HPSE2: variants seen among roughly 807,000 people sequenced by gnomAD.
HPSE2 encodes the protein inactive heparanase-2.
Under a neutral mutation model 60.5 loss-of-function variants are expected in HPSE2, and 38 were observed. The observed-to-expected ratio is 0.63, with a 90% confidence interval of 0.48 to 0.82. The LOEUF (loss-of-function observed/expected upper bound fraction) is 0.82, where lower values mean the gene tolerates loss of function less well. Among genes scored for constraint, HPSE2 ranks in the 40% least tolerant of loss-of-function variants. HPSE2 has a pLI of 0.00. For missense variants in HPSE2, 713 were observed against 740.4 expected, an observed-to-expected ratio of 0.96 and a Z score of 0.43; for synonymous variants, 295 against 293.2, an observed-to-expected ratio of 1.01 and a Z score of -0.06.
intron 3 of HPSE2, among the ~76,000 whole-genome samples, chr10:98,983,151 G>A (rs546952254): frequency 4.9e-4 from 75 of 152,170 alleles, no homozygotes; most frequent in Middle Eastern, 6.8e-3. Context: ...GGATGGTTGC[G>A]GCATCATTCA....
chr10:98,645,239 A>G (rs1946737184), intron 6 of HPSE2, among the ~76,000 whole-genome samples: 1 of 152,380 alleles, frequency 6.6e-6, no homozygotes, highest in South Asian at 2.1e-4. Flanking sequence ...GAATATCAAG[A>G]AAGAACTATA....
chr10:98,969,862 A>G (rs557559671), intron 3 of HPSE2, among the ~76,000 whole-genome samples: 3 of 152,322 alleles, frequency 2.0e-5, no homozygotes, highest in South Asian at 2.1e-4. Context: ...CTTGGCTTCC[A>G]GAGAGACCCC....
chr10:98,528,295 G>T (rs1943030680), intron 9 of HPSE2, among the ~76,000 whole-genome samples: 1 of 152,124 alleles, frequency 6.6e-6, no homozygotes, highest in African/African-American at 2.4e-5. Flanking sequence ...CCTTCTCCCA[G>T]CCAGCTTTTA....
intron 5 of HPSE2, among the ~76,000 whole-genome samples, chr10:98,704,619 C>T (rs1302343955): frequency 6.6e-6 from 1 of 152,112 alleles, no homozygotes; most frequent in Non-Finnish European, 1.5e-5. Flanking sequence ...CATCTACAAT[C>T]ATCTGATCTT....
intron 7 of HPSE2, among the ~76,000 whole-genome samples, chr10:98,635,238 G>A (rs1946466510): frequency 6.6e-6 from 1 of 152,186 alleles, no homozygotes; most frequent in Non-Finnish European, 1.5e-5. Context: ...AGTAAGAAAT[G>A]CTGTGAGGTA....
chr10:98,544,531 A>G, intron 9 of HPSE2, among the ~76,000 whole-genome samples: 1 of 151,808 alleles, frequency 6.6e-6, no homozygotes. Context: ...TAACACAGTG[A>G]AACCCCGTCT....
chr10:98,979,464 T>G (rs143768275), intron 3 of HPSE2, among the ~76,000 whole-genome samples: 53 of 152,264 alleles, frequency 3.5e-4, no homozygotes, highest in Middle Eastern at 3.4e-3. Context: ...CCAAAGAAAT[T>G]TATAGTCACA....
At chr10:99,160,707 G>A (rs1006879535) in intron 2 of HPSE2, among the ~76,000 whole-genome samples, 7 of 151,510 alleles carry the variant, frequency 4.6e-5, no homozygotes, top group African/African-American at 9.7e-5. Context: ...AGACCATCCC[G>A]GCTAAAACGG....
intron 3 of HPSE2, among the ~76,000 whole-genome samples, chr10:98,982,099 A>T (rs1012959151): frequency 2.6e-5 from 4 of 151,918 alleles, no homozygotes; most frequent in African/African-American, 7.3e-5. Flanking sequence ...TTTTTAAATA[A>T]TTTTTTTAGA....
At chr10:99,163,332 C>T (rs1846923412) in intron 2 of HPSE2, among the ~76,000 whole-genome samples, 2 of 152,174 alleles carry the variant, frequency 1.3e-5, no homozygotes, top group South Asian at 4.2e-4. Flanking sequence ...AACATTTTGC[C>T]ATATTTCCTT....
intron 3 of HPSE2, among the ~76,000 whole-genome samples, chr10:99,011,065 T>C (rs1329973231): frequency 6.6e-6 from 1 of 152,134 alleles, no homozygotes; most frequent in Non-Finnish European, 1.5e-5. Context: ...TATGTGTCCA[T>C]GTGTTCTCAT....
At chr10:98,984,412 C>T (rs912386578) in intron 3 of HPSE2, among the ~76,000 whole-genome samples, 6 of 152,216 alleles carry the variant, frequency 3.9e-5, no homozygotes, top group African/African-American at 1.2e-4. Flanking sequence ...CAAACTCCAA[C>T]AGAACTGCAG....
chr10:99,089,188 C>A (rs1160821338), intron 3 of HPSE2, among the ~76,000 whole-genome samples: 2 of 152,048 alleles, frequency 1.3e-5, no homozygotes, highest in African/African-American at 4.8e-5. Flanking sequence ...TAAGTCCCAT[C>A]CATTTATTTT....
chr10:99,010,296 T>G (rs1956983066), intron 3 of HPSE2, among the ~76,000 whole-genome samples: 1 of 152,190 alleles, frequency 6.6e-6, no homozygotes, highest in Admixed American at 6.5e-5. Flanking sequence ...TAAAACATAC[T>G]TGGGGAAAAA....
intron 9 of HPSE2, among the ~76,000 whole-genome samples, chr10:98,597,737 A>T (rs1341438821): frequency 1.3e-5 from 2 of 151,322 alleles, no homozygotes; most frequent in African/African-American, 2.4e-5. Flanking sequence ...GCATCATGGG[A>T]GGCTGAGGCA....
intron 3 of HPSE2, among the ~76,000 whole-genome samples, chr10:98,943,761 G>T (rs570357909): frequency 6.6e-6 from 1 of 152,136 alleles, no homozygotes; most frequent in Non-Finnish European, 1.5e-5. Flanking sequence ...AGCTAGATAG[G>T]AACTGAGGAC....
intron 9 of HPSE2, among the ~76,000 whole-genome samples, chr10:98,595,080 A>G (rs1945193109): frequency 1.3e-5 from 2 of 151,802 alleles, no homozygotes; most frequent in African/African-American, 4.8e-5. Flanking sequence ...TTTTTCATCA[A>G]TGTTTTATAG....
intron 2 of HPSE2, among the ~76,000 whole-genome samples, chr10:99,222,607 A>G (rs1849350639): frequency 6.6e-6 from 1 of 152,024 alleles, no homozygotes; most frequent in Non-Finnish European, 1.5e-5. Flanking sequence ...AAATATTCTT[A>G]TTTCTCTTTT....
intron 9 of HPSE2, among the ~76,000 whole-genome samples, chr10:98,576,526 A>C (rs1350955712): frequency 6.6e-6 from 1 of 152,180 alleles, no homozygotes; most frequent in Non-Finnish European, 1.5e-5. Context: ...CCAGCAAAAG[A>C]GGACAAGGAG....
Sources: allele counts gnomAD v4.1 joint callset (sites outside exome capture counted in the v4.1 genomes callset), GRCh38; gene constraint gnomAD v4.1.1; transcripts MANE v1.5; gene names NCBI Gene and HGNC (gene_info 2026-07-23, HGNC 2026-07-21).